The following PGC variants were observed in gnomAD, a reference collection of about 807,000 sequenced individuals.
The protein encoded by PGC is gastricsin.
Under a neutral mutation model 45.9 loss-of-function variants are expected in PGC, and 31 were observed. That is an observed-to-expected ratio of 0.67 (90% CI 0.51 to 0.91). The LOEUF (loss-of-function observed/expected upper bound fraction) is 0.91, where lower values mean the gene tolerates loss of function less well. PGC is among the 40% of genes least tolerant of loss of function. The probability of loss-of-function intolerance (pLI) is 0.00; values close to 1 mark genes in which losing one functional copy is unlikely to be tolerated. For missense variants in PGC, 477 were observed against 493.2 expected (o/e 0.97, Z 0.31); for synonymous variants, 192 against 201.8 (o/e 0.95, Z 0.41).
intron 1 of PGC, among the ~76,000 whole-genome samples, chr6:41,745,549 G>GT (rs58088265): frequency 0.013 from 1,668 of 124,906 alleles, 22 homozygotes; most frequent in East Asian, 0.045. Flanking sequence ...AGGATATGTA[G>GT]TTTTTTTTTT....
Position 41,736,845 on chromosome 6 carries a change from A to AGCAAGTCTAGGCG in PGC, c.1161_*6dup, listed in dbSNP as rs757752118. The AGCAAGTCTAGGCG allele has an allele frequency of 6.2e-6, 10 of 1,614,112 alleles. No individual in the cohort carries two copies. The highest frequency in any genetic ancestry group is 8.5e-6 in the Non-Finnish European group (10 of 1,179,990). ...AAGAGGGGAGCCCACGTGTCGAGGCAGCAAGTCTAGGCGGCAGTGGCAAAG... is the reference window on the plus strand; with the variant it reads ...AAGAGGGGAGCCCACGTGTCGAGGCAGCAAGTCTAGGCGGCAAGTCTAGGCGGCAGTGGCAAAG... On this transcript the variant is annotated 3_prime_UTR_variant, in exon 9 of 9. Coordinates refer to ENST00000373025, the MANE Select transcript of PGC (RefSeq NM_002630.4).
chr6:41,747,197 C>A (rs904950297), intron 1 of PGC, 79 bp downstream of exon 1: 5 of 1,198,262 alleles, frequency 4.2e-6, no homozygotes, highest in Non-Finnish European at 6.2e-6. Flanking sequence ...GGCAGGGTGT[C>A]CCCTGGCCCA....
Position 41,744,694 on chromosome 6 carries a change from G to A in PGC, c.174C>T (p.Asp58=). 2 of 1,614,168 alleles carry A rather than the reference G, an allele frequency of 1.2e-6. No homozygotes were observed. Among genetic ancestry groups the A allele is most frequent in the Non-Finnish European group, 1.7e-6 (2 of 1,180,016 alleles). ...CCATGGGCTCGTAGGTCACGCTGAG[G>A]TCACCAAAGCGGTACTTCCAAGCAG... is the stretch of plus-strand genomic sequence containing the variant. The part of the protein sequence containing the change: ...YDPAWKYRFG[D]LSVTYEPMAY... The change falls in exon 2 of 9, where the codon GAC becomes GAT. Residue 58 remains aspartate (D), a synonymous_variant. Transcript: ENST00000373025. This position sits in a 1 kb window ranked among gnomAD's most constrained non-coding sequence, Gnocchi z 4.4.
rs1012973041 is a variant in PGC, at chr6:41,745,022, C to T, written c.60-214G>A. On this transcript the variant is annotated intron_variant, in intron 1 of 8. Transcript: ENST00000373025. ...GTGTGTGTGTGTGTGTGTGCGCGCGCGCGTGTTTCTTCCTCCCTTTGCCTC... is the reference window on the plus strand; with the variant it reads ...GTGTGTGTGTGTGTGTGTGCGCGCGTGCGTGTTTCTTCCTCCCTTTGCCTC... 5.3e-5 allele frequency among the ~76,000 whole-genome samples: 8 copies of T among 151,568 alleles called. No homozygotes were observed. In the South Asian group the frequency reaches 6.3e-4, roughly 12 times the overall value.
chr6:41,741,761 T>C lies in PGC; in HGVS notation c.647+529A>G, dbSNP rs552474604. ...CCCACTGCCTGTCTCACTAAATGCC[T>C]GCACATGCTTGTGTTGACTGGCAAG... is the stretch of plus-strand genomic sequence containing the variant. On this transcript the variant is annotated intron_variant, in intron 5 of 8. Coordinates refer to ENST00000373025, the MANE Select transcript of PGC (RefSeq NM_002630.4). 6.1e-4 allele frequency: 913 copies of C among 1,503,030 alleles called. No homozygotes were observed. The highest frequency in any genetic ancestry group is 7.4e-4 in the Non-Finnish European group (824 of 1,115,774). The allele number at this position is 1,503,030 out of a possible 1,614,324, so 93.1% of individuals were successfully genotyped here.
In PGC at chr6:41,739,931, G is replaced by C. The variant is rs1427163776; in HGVS notation, c.783C>G (p.Gly261=). Residue 261 remains glycine, a synonymous_variant, in exon 7 of 9, where the codon GGC becomes GGG. Transcript: ENST00000373025. ...QIGIEEFLIG[G]QASGWCSEGC... The stretch of plus-strand genomic sequence containing the variant: ...CCTCAGAACACCAGCCGGAGGCCTG[G>C]CCGCCGATGAGGAACCTGTATGGGG... The C allele has an allele frequency of 6.2e-7, 1 of 1,613,976 alleles. No individual in the cohort carries two copies. Among genetic ancestry groups the C allele is most frequent in the Admixed American group, 1.7e-5 (1 of 60,002 alleles).
At chr6:41,738,980 CAAAAA>C (rs750819656) in intron 7 of PGC, among the ~76,000 whole-genome samples, 3 of 146,876 alleles carry the variant, frequency 2.0e-5, no homozygotes, top group African/African-American at 7.5e-5. Flanking sequence ...AAACAAAAAA[CAAAAA>C]AAAAAGAAAA....
chr6:41,741,255 A>G, intron 5 of PGC: 2 of 1,442,780 alleles, frequency 1.4e-6, no homozygotes, highest in Non-Finnish European at 1.8e-6. Context: ...AATCATAAAC[A>G]GAGGTGGAGA....
intron 1 of PGC, among the ~76,000 whole-genome samples, chr6:41,745,320 C>A (rs1387182696): frequency 2.0e-5 from 3 of 152,038 alleles, no homozygotes; most frequent in Admixed American, 2.0e-4. Flanking sequence ...CTCACTGCAA[C>A]CTCTACCTCC....
Position 41,744,489 on chromosome 6 carries a change from A to T in PGC, c.236T>A (p.Ile79Asn). Residue 79 changes from isoleucine to asparagine, a missense_variant, in exon 3 of 9, where the codon ATC (isoleucine) becomes AAC (asparagine). By Grantham distance (149) the Ile-to-Asn change is moderately radical (BLOSUM62 -3). Coordinates refer to ENST00000373025, the MANE Select transcript of PGC (RefSeq NM_002630.4). This position sits in a 1 kb window ranked among gnomAD's most constrained non-coding sequence, Gnocchi z 4.4. ...CAGGAAGTTCTGGGGTGGAGTCCCGATGCTGATCTCACCAAAGTAGGCAGC... is the reference window on the plus strand; with the variant it reads ...CAGGAAGTTCTGGGGTGGAGTCCCGTTGCTGATCTCACCAAAGTAGGCAGC... The part of the protein sequence containing the change: ...MDAAYFGEIS[I>N]GTPPQNFLVL... The T allele has an allele frequency of 1.2e-6, 2 of 1,613,968 alleles. No homozygotes were observed. The highest frequency in any genetic ancestry group is 1.7e-6 in the Non-Finnish European group (2 of 1,179,882).
intron 5 of PGC, chr6:41,741,766 A>G (rs1481527477): frequency 2.0e-6 from 3 of 1,516,116 alleles, no homozygotes; most frequent in Non-Finnish European, 2.7e-6. Flanking sequence ...ATGCCTGCAC[A>G]TGCTTGTGTT....
rs143065374 is a variant in PGC, at chr6:41,744,820, T to C, written c.60-12A>G. On this transcript the variant is annotated splice_polypyrimidine_tract_variant and intron_variant, in intron 1 of 8. Coordinates refer to ENST00000373025, the MANE Select transcript of PGC (RefSeq NM_002630.4). The surrounding 1 kb of genome is among the most constrained non-coding windows in gnomAD (Gnocchi z 4.4). ...TCTTCAGGGGCACTCTACAGAAAGG[T>C]TGCATATGAGGCAAGGCCCTCCCTC... The C allele has an allele frequency of 1.4e-4, 218 of 1,612,568 alleles. 2 individuals carry two copies. The East Asian group carries it at 4.8e-3, about 35-fold the overall frequency.
Position 41,747,373 on chromosome 6 carries a change from C to G in PGC, c.-39G>C. 6.4e-7 allele frequency: 1 copy of G among 1,573,754 alleles called. No homozygotes were observed. Among genetic ancestry groups the G allele is most frequent in the South Asian group, 1.1e-5 (1 of 90,234 alleles). ...AACTGGCCACAGAGGAAGAGCAGCT[C>G]TGAGTTCTGCAGTCGCAGTGGAGTG... On this transcript the variant is annotated 5_prime_UTR_variant, in exon 1 of 9. Coordinates refer to ENST00000373025, the MANE Select transcript of PGC (RefSeq NM_002630.4).
intron 7 of PGC, among the ~76,000 whole-genome samples, chr6:41,738,967 C>T (rs982404565): frequency 1.6e-4 from 24 of 150,950 alleles, no homozygotes; most frequent in African/African-American, 5.6e-4. Flanking sequence ...CTCAAAAAAA[C>T]AAAAACAAAA....
chr6:41,741,156 G>C (rs954355152), intron 5 of PGC: 3 of 1,536,834 alleles, frequency 2.0e-6, no homozygotes, highest in East Asian at 2.4e-5. Flanking sequence ...CTTGGTGAAG[G>C]GGGTAAGGAT....
intron 4 of PGC, 119 bp downstream of exon 4, chr6:41,743,152 G>T: frequency 1.4e-6 from 1 of 738,516 alleles, no homozygotes. Flanking sequence ...GTCTTGTCCT[G>T]CCTTCCTGTC....
At chr6:41,738,510 C>T (rs1318707431) in intron 7 of PGC, among the ~76,000 whole-genome samples, 1 of 151,774 alleles carries the variant, frequency 6.6e-6, no homozygotes, top group Non-Finnish European at 1.5e-5. Context: ...CACGTGTAGT[C>T]CCAGCTACTC....
chr6:41,747,128 G>A (rs1771942173), intron 1 of PGC, 148 bp downstream of exon 1: 1 of 687,310 alleles, frequency 1.5e-6, no homozygotes, highest in South Asian at 1.8e-5. Context: ...CATGTGTCCT[G>A]TCTAACATCA....
chr6:41,744,581 G>T lies in PGC; in HGVS notation c.211-67C>A. On this transcript the variant is annotated intron_variant, in intron 2 of 8. Coordinates refer to ENST00000373025, the MANE Select transcript of PGC (RefSeq NM_002630.4). This position sits in a 1 kb window ranked among gnomAD's most constrained non-coding sequence, Gnocchi z 4.4. Reference sequence around the variant, plus strand: ...GGGGCCCCAGGCTCCTCCATGGGCAGAGGAGTGAAGGGACCTGCCCCTTCC... The same window carrying T: ...GGGGCCCCAGGCTCCTCCATGGGCATAGGAGTGAAGGGACCTGCCCCTTCC... 1 of 1,587,654 alleles carries T rather than the reference G, an allele frequency of 6.3e-7. No homozygotes were observed. The highest frequency in any genetic ancestry group is 8.6e-7 in the Non-Finnish European group (1 of 1,159,948).
Sources: gnomAD v4.1 joint callset for allele counts (sites outside exome capture counted in the v4.1 genomes callset) on GRCh38, gnomAD v4.1.1 for gene constraint, Gnocchi (gnomAD v3.1) non-coding constraint, MANE v1.5 for transcripts, NCBI Gene and HGNC (gene_info 2026-07-23, HGNC 2026-07-21) for gene names.